The following KIAA1217 variants were observed in gnomAD, a reference collection of about 807,000 sequenced individuals.
The protein encoded by KIAA1217 is sickle tail protein homolog.
KIAA1217 carries 88 observed loss-of-function variants against 163.9 expected under a neutral mutation model. The ratio of observed to expected loss-of-function variants is 0.54; its 90% CI spans 0.45 to 0.64. The LOEUF (loss-of-function observed/expected upper bound fraction) is 0.64. Among genes scored for constraint, KIAA1217 ranks in the 30% least tolerant of loss-of-function variants. The probability of loss-of-function intolerance (pLI) is 0.00; values close to 1 mark genes in which losing one functional copy is unlikely to be tolerated. For missense variants in KIAA1217, 2,372 were observed against 2,475.0 expected (o/e 0.96, Z 0.88); for synonymous variants, 903 against 923.1 (o/e 0.98, Z 0.39).
At chr10:24,483,555 C>T (rs1241744777) in intron 6 of KIAA1217, among the ~76,000 whole-genome samples, 1 of 151,954 alleles carries the variant, frequency 6.6e-6, no homozygotes, top group Non-Finnish European at 1.5e-5. Context: ...TTTTCTTTTC[C>T]CTAAGAGTCA....
intron 2 of KIAA1217, among the ~76,000 whole-genome samples, chr10:24,008,207 T>TAGA (rs1303200718): frequency 1.3e-5 from 2 of 151,182 alleles, no homozygotes; most frequent in Non-Finnish European, 1.5e-5. Context: ...GATAGATAGA[T>TAGA]TATTTATCTT....
intron 2 of KIAA1217, among the ~76,000 whole-genome samples, chr10:24,058,912 A>T (rs563346418): frequency 6.1e-5 from 9 of 146,380 alleles, no homozygotes; most frequent in Non-Finnish European, 1.3e-4. Flanking sequence ...AACTTCCATT[A>T]CTTTATTGAA....
intron 2 of KIAA1217, among the ~76,000 whole-genome samples, chr10:24,146,467 C>T (rs1296025425): frequency 6.6e-6 from 1 of 152,126 alleles, no homozygotes. Context: ...TGTTAAGACC[C>T]TGATTGAAAT....
chr10:24,378,463 G>C (rs1359246815), intron 2 of KIAA1217, among the ~76,000 whole-genome samples: 1 of 152,040 alleles, frequency 6.6e-6, no homozygotes, highest in African/African-American at 2.4e-5. Context: ...TACTGCCCCA[G>C]ACTCCTTCTG....
chr10:24,497,301 C>G (rs1287651836), intron 8 of KIAA1217, among the ~76,000 whole-genome samples: 1 of 152,122 alleles, frequency 6.6e-6, no homozygotes, highest in Non-Finnish European at 1.5e-5. Context: ...CCTCCCATCT[C>G]AAAGGTTTTT....
intron 1 of KIAA1217, among the ~76,000 whole-genome samples, chr10:23,910,431 A>T (rs910362278): frequency 6.6e-6 from 1 of 152,264 alleles, no homozygotes; most frequent in African/African-American, 2.4e-5. Flanking sequence ...GAGGACTCCC[A>T]AGGAAACCTC....
rs747574549 is a variant in KIAA1217 at position 24,543,894 on chromosome 10, G to T, written c.4624G>T (p.Glu1542Ter). 6.2e-7 allele frequency: 1 copy of T among 1,613,966 alleles called. No individual in the cohort carries two copies. The highest frequency in any genetic ancestry group is 1.1e-5 in the South Asian group (1 of 91,054). Reference protein sequence around the residue: ...NPGGQEMNRTELNKFSHVDSP... With the variant: ...NPGGQEMNRT ...AGGAGGACAGGAAATGAACAGAACG[G>T]AGCTGAACAAGTTCAGCCACGTGGA... Residue 1542 changes from glutamate (E) to a stop codon, truncating the protein, a stop_gained, in exon 19 of 21, where the codon GAG becomes TAG. Transcript: ENST00000376454. LOFTEE classifies it high-confidence loss of function.
At chr10:24,456,691 G>A (rs1391360624) in intron 5 of KIAA1217, among the ~76,000 whole-genome samples, 1 of 151,342 alleles carries the variant, frequency 6.6e-6, no homozygotes, top group Non-Finnish European at 1.5e-5. Context: ...ACTGATTGAT[G>A]AGGAGGATTA....
intron 1 of KIAA1217, among the ~76,000 whole-genome samples, chr10:23,778,117 T>G (rs909728058): frequency 6.6e-6 from 1 of 152,056 alleles, no homozygotes; most frequent in African/African-American, 2.4e-5. Flanking sequence ...AATTTTTGTA[T>G]TTTTAGTAGA....
intron 1 of KIAA1217, among the ~76,000 whole-genome samples, chr10:23,790,706 T>C (rs7895586): frequency 6.2e-5 from 8 of 129,894 alleles, no homozygotes; most frequent in African/African-American, 1.8e-4. Context: ...TACACACACA[T>C]ATATATATGT....
In KIAA1217 at chr10:24,459,268, T is replaced by C. The variant is rs561843212; in HGVS notation, c.847-13960T>C. On this transcript the variant is annotated intron_variant, in intron 5 of 20. Transcript: ENST00000376454. Reference sequence around the variant, plus strand: ...CTCTTTCTTACCTGCTGAAATTCTATTCATCATTCATGAACCCACTCTCAC... The same window carrying C: ...CTCTTTCTTACCTGCTGAAATTCTACTCATCATTCATGAACCCACTCTCAC... Among the ~76,000 whole-genome samples the C allele has an allele frequency of 1.9e-4, 29 of 152,310 alleles. No individual in the cohort carries two copies. The East Asian group carries it at 5.6e-3, about 29-fold the overall frequency.
chr10:23,774,772 T>C (rs1834939902), intron 1 of KIAA1217, among the ~76,000 whole-genome samples: 1 of 152,222 alleles, frequency 6.6e-6, no homozygotes, highest in Non-Finnish European at 1.5e-5. Flanking sequence ...ATTTCCCATG[T>C]GGGACTCTGA....
intron 1 of KIAA1217, among the ~76,000 whole-genome samples, chr10:23,993,553 C>CTTTTTTTTTGTTTTTTTT (rs1846319610): frequency 1.5e-5 from 1 of 68,956 alleles, no homozygotes; most frequent in Non-Finnish European, 2.4e-5. Context: ...CATAGCCCAG[C>CTTTTTTTTTGTTTTTTTT]TTTTTTTTTT....
At chr10:23,840,744 G>C (rs913796945) in intron 1 of KIAA1217, among the ~76,000 whole-genome samples, 1 of 152,108 alleles carries the variant, frequency 6.6e-6, no homozygotes. Flanking sequence ...ACATTCTCCC[G>C]AATTCCTAAG....
chr10:24,385,027 G>A (rs2053828377), intron 3 of KIAA1217, among the ~76,000 whole-genome samples: 1 of 152,168 alleles, frequency 6.6e-6, no homozygotes, highest in South Asian at 2.1e-4. Flanking sequence ...GGAGAGTGAG[G>A]AAAGCCCAGT....
At chr10:24,081,205 C>A (rs745349500) in intron 2 of KIAA1217, among the ~76,000 whole-genome samples, 2 of 152,200 alleles carry the variant, frequency 1.3e-5, no homozygotes, top group Non-Finnish European at 2.9e-5. Context: ...CAAATCATTT[C>A]TTCTGATGTT....
intron 14 of KIAA1217, among the ~76,000 whole-genome samples, chr10:24,530,992 C>T (rs1383598819): frequency 2.6e-5 from 4 of 151,352 alleles, no homozygotes; most frequent in Non-Finnish European, 4.4e-5. Flanking sequence ...CCCAGGAGTT[C>T]AAGACCAGCC....
intron 2 of KIAA1217, among the ~76,000 whole-genome samples, chr10:24,293,582 GA>G (rs2079335352): frequency 6.6e-6 from 1 of 152,222 alleles, no homozygotes; most frequent in Non-Finnish European, 1.5e-5. Flanking sequence ...GGCTGAGAGT[GA>G]CTCAGCTTAA....
At chr10:24,241,686 C>T (rs1396539553) in intron 2 of KIAA1217, among the ~76,000 whole-genome samples, 1 of 152,164 alleles carries the variant, frequency 6.6e-6, no homozygotes, top group Non-Finnish European at 1.5e-5. Flanking sequence ...CCTCCCTTGC[C>T]TCTATCCCAG....
Sources: allele counts gnomAD v4.1 joint callset (sites outside exome capture counted in the v4.1 genomes callset), GRCh38; gene constraint gnomAD v4.1.1; transcripts MANE v1.5; gene names NCBI Gene and HGNC (gene_info 2026-07-23, HGNC 2026-07-21).